The following ROBO1 variants were observed in gnomAD, a reference collection of about 807,000 sequenced individuals.
ROBO1 encodes the protein roundabout guidance receptor 1.
ROBO1 carries 149 observed loss-of-function variants against 195.9 expected under a neutral mutation model. The observed-to-expected ratio is 0.76, with a 90% CI of 0.67 to 0.87. ROBO1 has a LOEUF of 0.87. ROBO1 is among the 40% of genes least tolerant of loss of function. The probability of loss-of-function intolerance (pLI) is 0.00; values close to 1 mark genes in which losing one functional copy is unlikely to be tolerated. For missense variants in ROBO1, 1,933 were observed against 2,068.3 expected, an observed-to-expected ratio of 0.93 and a Z score of 1.27; for synonymous variants, 816 against 733.2, an observed-to-expected ratio of 1.11 and a Z score of -1.82.
At chr3:78,965,900 T>G (rs2107872568) in intron 3 of ROBO1, among the ~76,000 whole-genome samples, 1 of 152,346 alleles carries the variant, frequency 6.6e-6, no homozygotes, top group South Asian at 2.1e-4. Context: ...CACAGGAGGC[T>G]TTTGAATACT....
chr3:79,236,550 C>A (rs537936808), intron 2 of ROBO1, among the ~76,000 whole-genome samples: 1 of 152,064 alleles, frequency 6.6e-6, no homozygotes, highest in South Asian at 2.1e-4. Context: ...GTACAGGGAA[C>A]GTTTAAATGA....
In ROBO1 at chr3:79,550,195, G is replaced by GGAAAAGAAAAGAAAA. The variant is rs58751236; in HGVS notation, c.88+39614_88+39628dup. On this transcript the variant is annotated intron_variant, in intron 2 of 30. Coordinates refer to ENST00000464233, the MANE Select transcript of ROBO1 (RefSeq NM_002941.4). The stretch of plus-strand genomic sequence containing the variant: ...AGAAAGAAAGAAAGAAAGAAAGAAA[G>GGAAAAGAAAAGAAAA]GAAAAGAAAAGAAAAGAAAAGAAAA... 2.6e-3 allele frequency among the ~76,000 whole-genome samples: 264 copies of GGAAAAGAAAAGAAAA among 100,810 alleles called. 10 individuals carry two copies. The highest frequency in any genetic ancestry group is 7.6e-3 in the African/African-American group (162 of 21,422). The allele number at this position is 100,810 out of a possible 152,430, so 66.1% of individuals were successfully genotyped here.
At chr3:79,094,954 T>G (rs1004572015) in intron 3 of ROBO1, among the ~76,000 whole-genome samples, 25 of 140,394 alleles carry the variant, frequency 1.8e-4, no homozygotes, top group Non-Finnish European at 3.4e-4. Flanking sequence ...CTCTCCCTCC[T>G]TCCTTTCTTC....
chr3:79,108,845 TC>T (rs938910205), intron 3 of ROBO1, among the ~76,000 whole-genome samples: 1 of 151,834 alleles, frequency 6.6e-6, no homozygotes, highest in Admixed American at 6.6e-5. Flanking sequence ...CTCCACCAGT[TC>T]TTTTTAAATT....
intron 1 of ROBO1, among the ~76,000 whole-genome samples, chr3:79,698,747 TTTTTG>T (rs1319006911): frequency 6.6e-6 from 1 of 151,532 alleles, no homozygotes; most frequent in Admixed American, 6.6e-5. Context: ...ACAATAAAAT[TTTTTG>T]AGAAATTGAA....
chr3:79,248,374 CAAAAA>C (rs10559171), intron 2 of ROBO1, among the ~76,000 whole-genome samples: 10 of 36,208 alleles, frequency 2.8e-4, no homozygotes, highest in Admixed American at 6.3e-4. Flanking sequence ...GAAGACAGAC[CAAAAA>C]AAAAAAAAAA....
rs140212501 is a variant in ROBO1, at chr3:79,159,262, C to A, written c.89-33723G>T. 3.2e-3 allele frequency among the ~76,000 whole-genome samples: 487 copies of A among 152,056 alleles called. 1 individual carries two copies. Among genetic ancestry groups the A allele is most frequent in the African/African-American group, 0.011 (468 of 41,516 alleles). ...CCTCATGAAATTGCTGTCAGGACAA[C>A]ATGCAATACTATAATATCAATTTTA... On this transcript the variant is annotated intron_variant, in intron 2 of 30. Transcript: ENST00000464233.
intron 8 of ROBO1, among the ~76,000 whole-genome samples, chr3:78,699,572 GTAA>G (rs200057797): frequency 7.4e-5 from 11 of 148,930 alleles, no homozygotes; most frequent in South Asian, 2.1e-4. Flanking sequence ...CCATCTCCAA[GTAA>G]TAATAATAAT....
chr3:79,032,501 TTAAGA>T (rs2078313801), intron 3 of ROBO1, among the ~76,000 whole-genome samples: 1 of 151,992 alleles, frequency 6.6e-6, no homozygotes, highest in African/African-American at 2.4e-5. Context: ...TTGCAAAAAC[TTAAGA>T]TGAGAAGTTT....
intron 1 of ROBO1, among the ~76,000 whole-genome samples, chr3:79,624,981 G>A (rs1288027536): frequency 6.6e-6 from 1 of 152,120 alleles, no homozygotes; most frequent in African/African-American, 2.4e-5. Context: ...CAAAAGAACT[G>A]AAATTATAAC....
intron 29 of ROBO1, among the ~76,000 whole-genome samples, chr3:78,606,252 A>G (rs565029275): frequency 6.6e-6 from 1 of 152,170 alleles, no homozygotes; most frequent in Non-Finnish European, 1.5e-5. Flanking sequence ...AGCTGACTGC[A>G]GTCTTGACCT....
At chr3:79,414,809 T>A (rs1382898207) in intron 2 of ROBO1, among the ~76,000 whole-genome samples, 1 of 152,242 alleles carries the variant, frequency 6.6e-6, no homozygotes, top group Non-Finnish European at 1.5e-5. Flanking sequence ...TTTTTTAACA[T>A]AAAGTACTGA....
chr3:78,800,652 G>A (rs1327959377), intron 4 of ROBO1, among the ~76,000 whole-genome samples: 2 of 152,126 alleles, frequency 1.3e-5, no homozygotes, highest in African/African-American at 4.8e-5. Flanking sequence ...CGCCACCTGG[G>A]TTCAAGCGAT....
At chr3:79,453,239 G>A (rs1039948665) in intron 2 of ROBO1, among the ~76,000 whole-genome samples, 4 of 151,984 alleles carry the variant, frequency 2.6e-5, no homozygotes, top group African/African-American at 9.7e-5. Context: ...TTCAGACTAA[G>A]CAACACCTGA....
At chr3:79,362,568 T>C (rs1436763467) in intron 2 of ROBO1, among the ~76,000 whole-genome samples, 1 of 152,188 alleles carries the variant, frequency 6.6e-6, no homozygotes, top group Non-Finnish European at 1.5e-5. Context: ...TGGAGTGGAC[T>C]TGATGAAATT....
chr3:79,732,775 C>A (rs910768469), intron 1 of ROBO1, among the ~76,000 whole-genome samples: 1 of 152,164 alleles, frequency 6.6e-6, no homozygotes, highest in Non-Finnish European at 1.5e-5. Context: ...AGATGCCAAT[C>A]ATCACTTACA....
intron 2 of ROBO1, among the ~76,000 whole-genome samples, chr3:79,416,437 C>CT (rs962020676): frequency 2.1e-5 from 3 of 142,794 alleles, no homozygotes; most frequent in African/African-American, 8.4e-5. Flanking sequence ...AACCCCATCT[C>CT]TAAAAAAAAA....
chr3:79,699,558 A>G (rs1184838441), intron 1 of ROBO1, among the ~76,000 whole-genome samples: 1 of 151,698 alleles, frequency 6.6e-6, no homozygotes, highest in Non-Finnish European at 1.5e-5. Flanking sequence ...AGGCACACCT[A>G]CCAGGGGTAC....
chr3:79,537,854 C>G (rs116355049), intron 2 of ROBO1, among the ~76,000 whole-genome samples: 1,675 of 151,860 alleles, frequency 0.011, 29 homozygotes, highest in African/African-American at 0.038. Flanking sequence ...AGCTATGTAA[C>G]AAACCTACAT....
Sources: allele counts gnomAD v4.1 joint callset (sites outside exome capture counted in the v4.1 genomes callset), GRCh38; gene constraint gnomAD v4.1.1; transcripts MANE v1.5; gene names NCBI Gene and HGNC (gene_info 2026-07-23, HGNC 2026-07-21).